SLC35A3: variants seen among roughly 807,000 people sequenced by gnomAD.
SLC35A3 encodes solute carrier family 35 member A3.
A neutral mutation model predicts 39.0 loss-of-function variants in SLC35A3; 26 were observed. The observed-to-expected ratio is 0.67, with a 90% CI of 0.49 to 0.92. The LOEUF (loss-of-function observed/expected upper bound fraction) is 0.92, where lower values mean the gene tolerates loss of function less well. Among genes scored for constraint, SLC35A3 ranks in the 40% least tolerant of loss-of-function variants. SLC35A3 has a pLI of 0.00. For synonymous variants in SLC35A3, 135 were observed against 133.1 expected (o/e 1.01, Z -0.10); for missense variants, 299 against 371.6 (o/e 0.80, Z 1.61).
In SLC35A3 at chr1:100,029,842, TAAG is replaced by T. The variant is rs1254547979; in HGVS notation, c.*7369_*7371del. On this transcript the variant is annotated 3_prime_UTR_variant, in exon 8 of 8. Transcript: ENST00000533028. ...AAATGTTTATAATCAGATATTGTGT[TAAG>T]AACATATATATATATATAGAGAGAG... 1.3e-5 allele frequency: 2 copies of T among 152,106 alleles called. No homozygotes were observed. The highest frequency in any genetic ancestry group is 4.8e-5 in the African/African-American group (2 of 41,402). The allele number at this position is 152,106 out of a possible 1,614,324, so 9.4% of individuals were successfully genotyped here.
chr1:100,034,286 C>T lies in SLC35A3; in HGVS notation c.*11810C>T, dbSNP rs757381572. The T allele has an allele frequency of 6.6e-6, 1 of 151,916 alleles. No homozygotes were observed. The highest frequency in any genetic ancestry group is 6.6e-5 in the Admixed American group (1 of 15,260). 9.4% of individuals were successfully genotyped at this position (151,916 alleles called of 1,614,324 possible). On this transcript the variant is annotated 3_prime_UTR_variant, in exon 8 of 8. Transcript: ENST00000533028. ...TTTCTTACTTTACTTTTATTTGTGT[C>T]TCTCAGGTACCCTGTGATTTAGTTT...
intron 2 of SLC35A3, among the ~76,000 whole-genome samples, chr1:99,995,865 A>G (rs1477560695): frequency 6.6e-6 from 1 of 152,222 alleles, no homozygotes; most frequent in African/African-American, 2.4e-5. Flanking sequence ...GGAATCAGCA[A>G]AAGAAGACAG....
At chr1:99,977,382 A>AAAG (rs1657171469) in intron 1 of SLC35A3, among the ~76,000 whole-genome samples, 1 of 151,424 alleles carries the variant, frequency 6.6e-6, no homozygotes, top group African/African-American at 2.4e-5. Context: ...AAAAAAAAAA[A>AAAG]AATTAGCTGG....
chr1:100,018,823 G>C (rs1173694092), intron 7 of SLC35A3, among the ~76,000 whole-genome samples: 1 of 152,076 alleles, frequency 6.6e-6, no homozygotes, highest in African/African-American at 2.4e-5. Flanking sequence ...GATGGAATTT[G>C]GCACTATAAA....
intron 1 of SLC35A3, among the ~76,000 whole-genome samples, chr1:99,977,802 G>T (rs1160212958): frequency 6.6e-6 from 1 of 152,182 alleles, no homozygotes; most frequent in East Asian, 1.9e-4. Context: ...GTCTCCCAAA[G>T]TGCTGGGATT....
chr1:99,972,660 C>T (rs1656886485), intron 1 of SLC35A3, among the ~76,000 whole-genome samples: 1 of 152,068 alleles, frequency 6.6e-6, no homozygotes, highest in African/African-American at 2.4e-5. Flanking sequence ...TTTTAAAGCA[C>T]TTTAGTACTT....
chr1:100,000,683 G>A (rs984615615), intron 3 of SLC35A3: 1 of 151,764 alleles, frequency 6.6e-6, no homozygotes, highest in Non-Finnish European at 1.5e-5. Flanking sequence ...CTTATGCAGG[G>A]GCCATGCTAA....
chr1:100,009,426 G>A (rs1224090381), intron 4 of SLC35A3: 3 of 152,186 alleles, frequency 2.0e-5, no homozygotes, highest in African/African-American at 2.4e-5. Context: ...ACAAAGATAT[G>A]GCGAGAGATG....
In SLC35A3 at chr1:100,017,675, A is replaced by G; in HGVS notation, c.754-7A>G. On this transcript the variant is annotated splice_region_variant and splice_polypyrimidine_tract_variant and intron_variant, in intron 6 of 7. Coordinates refer to ENST00000533028, the MANE Select transcript of SLC35A3 (RefSeq NM_012243.3). ...GTGTTTTAAAAAATATTTTTTTAAAACTTCAGGCACTTGGAGGCCTTGTAA... is the reference window on the plus strand; with the variant it reads ...GTGTTTTAAAAAATATTTTTTTAAAGCTTCAGGCACTTGGAGGCCTTGTAA... 2 of 1,514,658 alleles carry G rather than the reference A, an allele frequency of 1.3e-6. No homozygotes were observed. Among genetic ancestry groups the G allele is most frequent in the Non-Finnish European group, 1.8e-6 (2 of 1,129,926 alleles). 93.8% of individuals were successfully genotyped at this position (1,514,658 alleles called of 1,614,324 possible).
chr1:100,011,361 T>A lies in SLC35A3; in HGVS notation c.466-4T>A. 1 of 1,433,110 alleles carries A rather than the reference T, an allele frequency of 7.0e-7. No homozygotes were observed. The highest frequency in any genetic ancestry group is 9.4e-7 in the Non-Finnish European group (1 of 1,067,718). The allele number at this position is 1,433,110 out of a possible 1,614,324, so 88.8% of individuals were successfully genotyped here. ...ACTTCAATTTTATTTTTCTTCTTAT[T>A]TAGTGGCCCTCAGATTCTCAGCTTG... On this transcript the variant is annotated splice_polypyrimidine_tract_variant and splice_region_variant and intron_variant, in intron 4 of 7. Transcript: ENST00000533028.
chr1:100,000,064 A>AC (rs1412830159), intron 3 of SLC35A3, among the ~76,000 whole-genome samples: 1 of 152,178 alleles, frequency 6.6e-6, no homozygotes, highest in Non-Finnish European at 1.5e-5. Context: ...TCCTTTTGAT[A>AC]TACTGATTTC....
chr1:99,975,003 G>A (rs546098797), intron 1 of SLC35A3: 1 of 151,772 alleles, frequency 6.6e-6, no homozygotes, highest in East Asian at 1.9e-4. Flanking sequence ...GAGTACAGAG[G>A]CGCAATCTCA....
chr1:99,972,373 C>T (rs887377001), intron 1 of SLC35A3, among the ~76,000 whole-genome samples: 20 of 145,456 alleles, frequency 1.4e-4, no homozygotes, highest in Non-Finnish European at 2.1e-4. Context: ...TGCTCTGTCA[C>T]GCAGGCTGGA....
In SLC35A3 at chr1:100,030,863, A is replaced by T. The variant is rs1320862532; in HGVS notation, c.*8387A>T. 1 of 152,162 alleles carries T rather than the reference A, an allele frequency of 6.6e-6. No individual in the cohort carries two copies. Among genetic ancestry groups the T allele is most frequent in the Non-Finnish European group, 1.5e-5 (1 of 68,020 alleles). 9.4% of individuals were successfully genotyped at this position (152,162 alleles called of 1,614,324 possible). ...CATGCTGCTTCAATAGGTCTTTTAA[A>T]TATAGCCAAGGCAGGGTAATATTTC... is the stretch of plus-strand genomic sequence containing the variant. On this transcript the variant is annotated 3_prime_UTR_variant, in exon 8 of 8. Coordinates refer to ENST00000533028, the MANE Select transcript of SLC35A3 (RefSeq NM_012243.3).
chr1:100,022,465 A>G lies in SLC35A3; in HGVS notation c.967A>G (p.Thr323Ala). 1 of 1,579,756 alleles carries G rather than the reference A, an allele frequency of 6.3e-7. No individual in the cohort carries two copies. The highest frequency in any genetic ancestry group is 8.7e-7 in the Non-Finnish European group (1 of 1,150,926). Residue 323 changes from threonine to alanine, a missense_variant, in exon 8 of 8, where the codon ACT (threonine) becomes GCT (alanine). Thr to Ala is a moderately conservative substitution (Grantham distance 58, BLOSUM62 0). Coordinates refer to ENST00000533028, the MANE Select transcript of SLC35A3 (RefSeq NM_012243.3). ...TGATCCCAAACCTGCAGGAAATCCC[A>G]CTAAAGCATAGTTGTATACTATCTT... ...GYDPKPAGNP[T>A]KA
chr1:100,021,678 GA>G (rs900946260), intron 7 of SLC35A3, among the ~76,000 whole-genome samples: 4 of 146,140 alleles, frequency 2.7e-5, no homozygotes, highest in African/African-American at 7.6e-5. Context: ...TCTTTAAAAA[GA>G]AAAAAAAAAG....
intron 1 of SLC35A3, among the ~76,000 whole-genome samples, chr1:99,988,903 A>G (rs1303091368): frequency 2.0e-5 from 3 of 151,960 alleles, no homozygotes; most frequent in Non-Finnish European, 2.9e-5. Context: ...AGTAGCTGGA[A>G]CTACATGCAT....
chr1:100,016,522 C>T (rs866519886), intron 6 of SLC35A3, among the ~76,000 whole-genome samples: 55 of 150,114 alleles, frequency 3.7e-4, no homozygotes, highest in Middle Eastern at 3.5e-3. Context: ...TACAGGCGCC[C>T]GCCACCAAGC....
intron 3 of SLC35A3, among the ~76,000 whole-genome samples, chr1:100,002,811 TTTTATG>T (rs1658906658): frequency 6.6e-6 from 1 of 151,754 alleles, no homozygotes; most frequent in Non-Finnish European, 1.5e-5. Context: ...GACAGGGTCT[TTTTATG>T]TTGCCCAGGT....
Sources: allele counts gnomAD v4.1 joint callset (sites outside exome capture counted in the v4.1 genomes callset), GRCh38; gene constraint gnomAD v4.1.1; transcripts MANE v1.5; gene names NCBI Gene and HGNC (gene_info 2026-07-23, HGNC 2026-07-21).